The following SDK2 variants were observed in gnomAD, a reference collection of about 807,000 sequenced individuals.
SDK2 encodes protein sidekick-2.
In SDK2, 105 loss-of-function variants were observed where a neutral mutation model predicts 253.9. The observed-to-expected ratio is 0.41, with a 90% confidence interval of 0.35 to 0.49. SDK2 has a LOEUF of 0.49. SDK2 is among the 20% of genes least tolerant of loss of function. SDK2 has a pLI of 0.06. For missense variants in SDK2, 2,608 were observed against 3,003.0 expected (o/e 0.87, Z 3.07); for synonymous variants, 1,249 against 1,234.9 (o/e 1.01, Z -0.24).
chr17:73,567,547 C>T (rs1432556266), intron 1 of SDK2, among the ~76,000 whole-genome samples: 1 of 152,212 alleles, frequency 6.6e-6, no homozygotes, highest in Non-Finnish European at 1.5e-5. Flanking sequence ...GGTACAGCCA[C>T]CAACAGCTTA....
chr17:73,456,026 T>G lies in SDK2; in HGVS notation c.359A>C (p.Lys120Thr). Residue 120 changes from lysine to threonine, a missense_variant, in exon 4 of 45, where the codon AAG becomes ACG. Lys to Thr is a moderately conservative substitution (Grantham distance 78). Transcript: ENST00000392650. ...TTCTCCGTGGGAGACGCTCTGGTGC[T>G]TCTCACCTTCCTCAAAGCTCCCCAT... is the stretch of plus-strand genomic sequence containing the variant. ...AYMGSFEEGEKHQSVSHGEAA... is the reference protein window; with the variant it reads ...AYMGSFEEGETHQSVSHGEAA... 6.5e-7 allele frequency: 1 copy of G among 1,528,512 alleles called. No individual in the cohort carries two copies. The highest frequency in any genetic ancestry group is 8.8e-7 in the Non-Finnish European group (1 of 1,133,566). The allele number at this position is 1,528,512 out of a possible 1,614,324, so 94.7% of individuals were successfully genotyped here. A position where few individuals can be genotyped will look rare whatever the true frequency, so the allele number is the denominator to read the frequency against.
chr17:73,431,428 T>C lies in SDK2; in HGVS notation c.1480+74A>G. ...ATGAGCCTGTGCCCCGTAGCTGTCC[T>C]GAGTCCTCAGCACCTACAGGGATGT... On this transcript the variant is annotated intron_variant, in intron 11 of 44. Coordinates refer to ENST00000392650, the MANE Select transcript of SDK2 (RefSeq NM_001144952.2). The surrounding 1 kb of genome is among the most constrained non-coding windows in gnomAD (Gnocchi z 5.6). 3.4e-6 allele frequency: 5 copies of C among 1,449,344 alleles called. No individual in the cohort carries two copies. Among genetic ancestry groups the C allele is most frequent in the Non-Finnish European group, 4.7e-6 (5 of 1,070,422 alleles). The allele number at this position is 1,449,344 out of a possible 1,614,324, so 89.8% of individuals were successfully genotyped here. A position where few individuals can be genotyped will look rare whatever the true frequency, so the allele number is the denominator to read the frequency against.
intron 2 of SDK2, among the ~76,000 whole-genome samples, chr17:73,482,209 A>T (rs1386762288): frequency 6.6e-6 from 1 of 151,914 alleles, no homozygotes; most frequent in African/African-American, 2.4e-5. Flanking sequence ...AGGGAGTTGG[A>T]GGTTGCAGTG....
In SDK2 at chr17:73,388,036, G is replaced by A. The variant is rs1185917110; in HGVS notation, c.4194C>T (p.Asp1398=). Residue 1398 remains aspartate, a splice_region_variant and synonymous_variant, in exon 30 of 45, where the codon GAC becomes GAT. Transcript: ENST00000392650. ...TCGGCCTGCTGGGGGGCTGCGGACGGTCTGGGAGGTGGCAGAGGGGGAGGA... is the reference window on the plus strand; with the variant it reads ...TCGGCCTGCTGGGGGGCTGCGGACGATCTGGGAGGTGGCAGAGGGGGAGGA... ...EALVVTTEKR[D]RPQPPSRPMV... 1.3e-6 allele frequency: 2 copies of A among 1,563,736 alleles called. No individual in the cohort carries two copies. Among genetic ancestry groups the A allele is most frequent in the Non-Finnish European group, 1.7e-6 (2 of 1,155,300 alleles).
chr17:73,585,665 C>G (rs539284921), intron 1 of SDK2, among the ~76,000 whole-genome samples: 2 of 152,288 alleles, frequency 1.3e-5, no homozygotes, highest in East Asian at 3.9e-4. Flanking sequence ...TGACTACCCC[C>G]TACACTCAGA....
intron 1 of SDK2, among the ~76,000 whole-genome samples, chr17:73,601,195 T>C (rs887650773): frequency 6.6e-6 from 1 of 151,932 alleles, no homozygotes; most frequent in Non-Finnish European, 1.5e-5. Flanking sequence ...AATTTTTGTA[T>C]TTTTAGTAAA....
intron 1 of SDK2, among the ~76,000 whole-genome samples, chr17:73,510,229 C>T (rs1303483392): frequency 6.6e-6 from 1 of 152,148 alleles, no homozygotes. Flanking sequence ...TAACAGAAGC[C>T]ATCATATACA....
intron 2 of SDK2, among the ~76,000 whole-genome samples, chr17:73,485,064 G>T (rs114514788): frequency 6.6e-6 from 1 of 152,132 alleles, no homozygotes; most frequent in Admixed American, 6.5e-5. Flanking sequence ...TCCAAATAAG[G>T]TCACACTCTG....
intron 2 of SDK2, among the ~76,000 whole-genome samples, chr17:73,498,423 A>G (rs113054399): frequency 3.3e-5 from 5 of 152,284 alleles, no homozygotes; most frequent in African/African-American, 1.2e-4. Flanking sequence ...GAGAACAAAC[A>G]TTTCCAAAGG....
intron 1 of SDK2, among the ~76,000 whole-genome samples, chr17:73,605,474 A>G (rs2045895771): frequency 6.6e-6 from 1 of 152,088 alleles, no homozygotes; most frequent in Admixed American, 6.5e-5. Flanking sequence ...GGGGTTCTTC[A>G]TGTCTTGGAG....
intron 25 of SDK2, 65 bp from the exon 26 acceptor site, chr17:73,394,389 G>T: frequency 9.1e-7 from 1 of 1,098,070 alleles, no homozygotes. Context: ...AAGGGAAGTG[G>T]ACCAGGACAG....
rs1004311336 is a variant in SDK2 at position 73,509,551 on chromosome 17, A to G, written c.65-1954T>C. On this transcript the variant is annotated intron_variant, in intron 1 of 44. Transcript: ENST00000392650. ...ATGCCTGTAAGCCCAGTGCTTTGGG[A>G]GGCCGAGGTGGGAGGATCGCTTGAG... 2.0e-5 allele frequency among the ~76,000 whole-genome samples: 3 copies of G among 149,646 alleles called. No homozygotes were observed. The East Asian group carries it at 6.0e-4, about 30-fold the overall frequency.
intron 1 of SDK2, among the ~76,000 whole-genome samples, chr17:73,571,260 A>T (rs9909234): frequency 0.27 from 40,715 of 151,996 alleles, 5,534 homozygotes; most frequent in South Asian, 0.35. Flanking sequence ...AAGGCAATGA[A>T]GAGGCTAAGG....
Position 73,644,074 on chromosome 17 carries a change from CA to C in SDK2, c.14del (p.Leu5Ter). The C allele has an allele frequency of 6.5e-7, 1 of 1,548,988 alleles. No individual in the cohort carries two copies. The highest frequency in any genetic ancestry group is 1.2e-5 in the South Asian group (1 of 83,944). ...GATGCAGAGCTAGCAGTGTCCAGAT[CA>C]AAAGCCCCCACATGGTGACCAGCCT... MWGLLIWTLLALHQI... is the reference protein window; with the variant it reads MWGLXIWTLLALHQI... On this transcript the variant is annotated frameshift_variant, in exon 1 of 45. Transcript: ENST00000392650. LOFTEE classifies it high-confidence loss of function. The surrounding 1 kb of genome is among the most constrained non-coding windows in gnomAD (Gnocchi z 6.3).
Position 73,415,035 on chromosome 17 carries a change from T to C in SDK2, c.2369-276A>G, listed in dbSNP as rs373016228. ...GCTCTGGCATGGTTTTCAGGTGGAA[T>C]GCTAAAAGTAAGCTGTTTCATGATC... On this transcript the variant is annotated intron_variant, in intron 17 of 44. Transcript: ENST00000392650. Among the ~76,000 whole-genome samples, 37 of 152,344 alleles carry C rather than the reference T, an allele frequency of 2.4e-4. 1 individual carries two copies. In the South Asian group the frequency reaches 7.7e-3, roughly 32 times the overall value.
intron 18 of SDK2, 125 bp from the exon 19 acceptor site, chr17:73,402,266 C>A: frequency 1.0e-6 from 1 of 1,000,296 alleles, no homozygotes; most frequent in East Asian, 2.6e-5. Flanking sequence ...GGTGCCTCCT[C>A]CGAGGGAAGG....
At chr17:73,569,354 C>T (rs1257099093) in intron 1 of SDK2, among the ~76,000 whole-genome samples, 1 of 152,030 alleles carries the variant, frequency 6.6e-6, no homozygotes, top group African/African-American at 2.4e-5. Context: ...CACGCCACCA[C>T]ACCCAGCTAA....
intron 16 of SDK2, among the ~76,000 whole-genome samples, chr17:73,418,257 T>C (rs2063200538): frequency 6.6e-6 from 1 of 152,188 alleles, no homozygotes; most frequent in African/African-American, 2.4e-5. Flanking sequence ...CCACCCGCCT[T>C]GGCCTCCCAA....
At chr17:73,605,796 T>C (rs1315394412) in intron 1 of SDK2, among the ~76,000 whole-genome samples, 1 of 152,140 alleles carries the variant, frequency 6.6e-6, no homozygotes. Context: ...CAGCCCTTTG[T>C]GGCACGCTCA....
Sources: allele counts gnomAD v4.1 joint callset (sites outside exome capture counted in the v4.1 genomes callset), GRCh38; gene constraint gnomAD v4.1.1; non-coding constraint Gnocchi (gnomAD v3.1); transcripts MANE v1.5; gene names NCBI Gene and HGNC (gene_info 2026-07-23, HGNC 2026-07-21).